The following PRKD3 variants were observed in gnomAD, a reference collection of about 807,000 sequenced individuals.
PRKD3 encodes serine/threonine-protein kinase D3.
Under a neutral mutation model 99.2 loss-of-function variants are expected in PRKD3, and 47 were observed. That is an observed-to-expected ratio of 0.47 (90% CI 0.38 to 0.60). The LOEUF is 0.60. PRKD3 is among the 20% of genes least tolerant of loss of function. PRKD3 has a pLI of 0.00. For synonymous variants in PRKD3, 392 were observed against 355.4 expected, an observed-to-expected ratio of 1.10 and a Z score of -1.16; for missense variants, 1,019 against 1,088.4, an observed-to-expected ratio of 0.94 and a Z score of 0.90.
chr2:37,272,751 G>A (rs889186172), intron 11 of PRKD3, among the ~76,000 whole-genome samples: 2 of 152,130 alleles, frequency 1.3e-5, no homozygotes, highest in African/African-American at 4.8e-5. Context: ...GCATTAGGAC[G>A]CTGAGGCAGG....
chr2:37,263,166 A>C (rs1205373239), intron 14 of PRKD3, among the ~76,000 whole-genome samples: 1 of 151,712 alleles, frequency 6.6e-6, no homozygotes, highest in African/African-American at 2.4e-5. Flanking sequence ...TTAATATTTG[A>C]GGTTATAAAG....
intron 6 of PRKD3, among the ~76,000 whole-genome samples, chr2:37,283,238 T>C (rs1033579549): frequency 6.6e-6 from 1 of 152,184 alleles, no homozygotes; most frequent in South Asian, 2.1e-4. Flanking sequence ...AGGAAACTTG[T>C]TAGAAATGCA....
rs540784908 is a variant in PRKD3 at position 37,270,683 on chromosome 2, T to C, written c.1705-996A>G. ...GCCCTGCAGCAAAAGCCAGTGAATA[T>C]GCATGTATATATGTTAAGTTGTAAT... is the stretch of plus-strand genomic sequence containing the variant. On this transcript the variant is annotated intron_variant, in intron 12 of 18. Coordinates refer to ENST00000234179, the MANE Select transcript of PRKD3 (RefSeq NM_005813.6). Among the ~76,000 whole-genome samples, 27 of 152,372 alleles carry C rather than the reference T, an allele frequency of 1.8e-4. No homozygotes were observed. The South Asian group carries it at 4.1e-3, about 23-fold the overall frequency.
intron 5 of PRKD3, among the ~76,000 whole-genome samples, chr2:37,287,938 A>G (rs954326481): frequency 6.6e-6 from 1 of 152,174 alleles, no homozygotes; most frequent in Non-Finnish European, 1.5e-5. Flanking sequence ...GAACTGACTA[A>G]AGTAAACCCT....
chr2:37,255,057 ATCC>A (rs1667823412), intron 17 of PRKD3, among the ~76,000 whole-genome samples: 1 of 152,244 alleles, frequency 6.6e-6, no homozygotes, highest in Non-Finnish European at 1.5e-5. Flanking sequence ...GACTTGTACC[ATCC>A]TAGTTCTATT....
intron 2 of PRKD3, among the ~76,000 whole-genome samples, chr2:37,305,494 G>A (rs1242741780): frequency 6.6e-6 from 1 of 152,124 alleles, no homozygotes; most frequent in Non-Finnish European, 1.5e-5. Flanking sequence ...CATTATAGTG[G>A]TATCTTCTAA....
intron 1 of PRKD3, among the ~76,000 whole-genome samples, chr2:37,322,798 T>C (rs1327987526): frequency 2.0e-5 from 3 of 152,204 alleles, no homozygotes; most frequent in African/African-American, 7.2e-5. Context: ...CTGAATTACA[T>C]AATCAGCGAG....
chr2:37,256,990 C>G lies in PRKD3; in HGVS notation c.2146-61G>C, dbSNP rs1049990677. ...AGTGTTATATATGTAACTACCTGTC[C>G]CTAAATATAACACTGTATGTATCAT... On this transcript the variant is annotated intron_variant, in intron 16 of 18. Transcript: ENST00000234179. The G allele has an allele frequency of 3.9e-6, 6 of 1,544,480 alleles. No homozygotes were observed. The African/African-American group carries it at 8.2e-5, about 21-fold the overall frequency.
At chr2:37,285,786 CCTAAT>C (rs1485401618) in intron 6 of PRKD3, among the ~76,000 whole-genome samples, 1 of 152,086 alleles carries the variant, frequency 6.6e-6, no homozygotes, top group African/African-American at 2.4e-5. Flanking sequence ...AAGCAAGTTA[CCTAAT>C]CTATGTCTAT....
In PRKD3 at chr2:37,274,360, T is replaced by A; in HGVS notation, c.1651+61A>T. 3.2e-6 allele frequency: 5 copies of A among 1,573,782 alleles called. No individual in the cohort carries two copies. In the South Asian group the frequency reaches 5.7e-5, roughly 18 times the overall value. ...TAAAAGGAACAAAGGAACACAACCA[T>A]ACCCACAAAATGCTTAAGAATTAAA... On this transcript the variant is annotated intron_variant, in intron 11 of 18. Transcript: ENST00000234179.
chr2:37,285,972 G>C (rs752946826), intron 6 of PRKD3, among the ~76,000 whole-genome samples: 7 of 152,240 alleles, frequency 4.6e-5, no homozygotes, highest in Middle Eastern at 6.8e-3. Context: ...TTCTACTATA[G>C]TGCCTGGCAC....
chr2:37,317,213 T>G, intron 1 of PRKD3, 34 bp from the exon 2 acceptor site: 1 of 815,400 alleles, frequency 1.2e-6, no homozygotes, highest in Non-Finnish European at 1.5e-6. Flanking sequence ...TTTTAATACT[T>G]TATATTCATT....
intron 2 of PRKD3, among the ~76,000 whole-genome samples, chr2:37,293,930 G>A (rs1232876179): frequency 3.3e-5 from 5 of 152,082 alleles, no homozygotes; most frequent in Non-Finnish European, 5.9e-5. Flanking sequence ...ATGTTTTCCT[G>A]TTTGCTTTGC....
At chr2:37,272,335 T>C in intron 12 of PRKD3, 45 bp downstream of exon 12, 1 of 1,589,740 alleles carries the variant, frequency 6.3e-7, no homozygotes, top group Non-Finnish European at 8.5e-7. Flanking sequence ...TTATTTTCCT[T>C]ATTTTAATCA....
At chr2:37,311,169 A>G (rs1192379076) in intron 2 of PRKD3, among the ~76,000 whole-genome samples, 1 of 152,210 alleles carries the variant, frequency 6.6e-6, no homozygotes, top group Admixed American at 6.5e-5. Flanking sequence ...AAGTAGTAGC[A>G]TGGCATTGTA....
chr2:37,306,736 G>C (rs545916794), intron 2 of PRKD3, among the ~76,000 whole-genome samples: 7 of 152,184 alleles, frequency 4.6e-5, no homozygotes, highest in Non-Finnish European at 1.0e-4. Flanking sequence ...TTGAGCCCAG[G>C]AGGTCAAGGC....
At chr2:37,254,983 A>G (rs1667816123) in intron 17 of PRKD3, among the ~76,000 whole-genome samples, 1 of 152,236 alleles carries the variant, frequency 6.6e-6, no homozygotes, top group Admixed American at 6.5e-5. Flanking sequence ...CTACAGCCCT[A>G]TATAATGGTA....
chr2:37,284,654 A>C (rs1670004122), intron 6 of PRKD3, among the ~76,000 whole-genome samples: 1 of 152,236 alleles, frequency 6.6e-6, no homozygotes, highest in Non-Finnish European at 1.5e-5. Context: ...ATTCAAAGCA[A>C]GCTGTTGAAA....
In PRKD3 at chr2:37,252,956, A is replaced by AGTT. The variant is rs1195440060; in HGVS notation, c.*218_*220dup. ...AACCAGTTATTGCTTAGGCTAAAAA[A>AGTT]GTTTATAAAAAGCTTCACCTTGATT... On this transcript the variant is annotated 3_prime_UTR_variant, in exon 19 of 19. Coordinates refer to ENST00000234179, the MANE Select transcript of PRKD3 (RefSeq NM_005813.6). 2 of 375,954 alleles carry AGTT rather than the reference A, an allele frequency of 5.3e-6. No homozygotes were observed. The highest frequency in any genetic ancestry group is 4.2e-5 in the African/African-American group (2 of 48,048). 23.3% of individuals were successfully genotyped at this position (375,954 alleles called of 1,614,324 possible). A position where few individuals can be genotyped will look rare whatever the true frequency, so the allele number is the denominator to read the frequency against.
Sources: allele counts gnomAD v4.1 joint callset (sites outside exome capture counted in the v4.1 genomes callset), GRCh38; gene constraint gnomAD v4.1.1; transcripts MANE v1.5; gene names NCBI Gene and HGNC (gene_info 2026-07-23, HGNC 2026-07-21).